TDP1: variants seen among roughly 807,000 people sequenced by gnomAD.
TDP1 encodes tyr-DNA phosphodiesterase 1.
A neutral mutation model predicts 81.5 loss-of-function variants in TDP1; 64 were observed. The observed-to-expected ratio is 0.79, with a 90% CI of 0.64 to 0.97. The LOEUF (loss-of-function observed/expected upper bound fraction) is 0.97. TDP1 is among the 50% of genes least tolerant of loss of function. The pLI is 0.00. For synonymous variants in TDP1, 256 were observed against 264.3 expected (o/e 0.97, Z 0.30); for missense variants, 723 against 743.8 (o/e 0.97, Z 0.33).
chr14:89,985,267 T>C (rs1327826591), intron 10 of TDP1, 57 bp downstream of exon 10: 1 of 966,182 alleles, frequency 1.0e-6, no homozygotes, highest in Admixed American at 2.2e-5. Context: ...TATTCTCTCT[T>C]TTAAAATAAT....
At chr14:90,032,736 T>G (rs1206836808) in intron 15 of TDP1, 1 of 985,140 alleles carries the variant, frequency 1.0e-6, no homozygotes, top group Non-Finnish European at 1.2e-6. Flanking sequence ...ATAGCAATGT[T>G]GGAAGTATTT....
intron 8 of TDP1, 66 bp downstream of exon 8, chr14:89,980,698 C>A: frequency 7.8e-7 from 1 of 1,275,966 alleles, no homozygotes; most frequent in Non-Finnish European, 1.1e-6. Flanking sequence ...CCAGAACATT[C>A]ACTTTATTCT....
chr14:90,019,791 G>C (rs1885752301), intron 15 of TDP1, among the ~76,000 whole-genome samples: 1 of 152,336 alleles, frequency 6.6e-6, no homozygotes, highest in South Asian at 2.1e-4. Context: ...GGGGTGACTG[G>C]AGGATGAAGT....
At chr14:89,970,546 C>T (rs1300235771) in intron 5 of TDP1, among the ~76,000 whole-genome samples, 2 of 151,902 alleles carry the variant, frequency 1.3e-5, no homozygotes, top group African/African-American at 4.8e-5. Flanking sequence ...TTTATTTGGA[C>T]TTAAATATTT....
Position 90,033,114 on chromosome 14 carries a change from C to G in TDP1, c.1653C>G (p.Asp551Glu). The G allele has an allele frequency of 6.2e-7, 1 of 1,607,074 alleles. No homozygotes were observed. The highest frequency in any genetic ancestry group is 8.5e-7 in the Non-Finnish European group (1 of 1,173,828). ...VLFLPSAFGL[D>E]SFKVKQKFFA... ...CCTCTGTGTGTCTGCAGGGTCTAGA[C>G]AGTTTCAAAGTGAAACAGAAGTTCT... The change falls in exon 16 of 17, where the codon GAC (aspartate) becomes GAG (glutamate). Residue 551 changes from aspartate (D) to glutamate (E), a missense_variant. Asp to Glu is a conservative substitution (Grantham distance 45, BLOSUM62 2). Coordinates refer to ENST00000335725, the MANE Select transcript of TDP1 (RefSeq NM_018319.4).
intron 15 of TDP1, among the ~76,000 whole-genome samples, chr14:90,030,813 T>C (rs1012093954): frequency 2.0e-5 from 3 of 151,938 alleles, no homozygotes; most frequent in Non-Finnish European, 4.4e-5. Context: ...TCACCTAGCC[T>C]GGAGTGCAGT....
At chr14:89,991,631 C>A in intron 12 of TDP1, 1 of 984,880 alleles carries the variant, frequency 1.0e-6, no homozygotes, top group Non-Finnish European at 1.2e-6. Flanking sequence ...AAAGGCATCC[C>A]ATGACTATAC....
intron 5 of TDP1, among the ~76,000 whole-genome samples, chr14:89,968,248 A>G (rs553020019): frequency 6.6e-6 from 1 of 152,060 alleles, no homozygotes; most frequent in Non-Finnish European, 1.5e-5. Flanking sequence ...CTTAAATAAG[A>G]CAAATTGTTT....
upstream of TDP1, chr14:89,955,386 C>T (rs1891458244): frequency 6.6e-6 from 1 of 152,356 alleles, no homozygotes; most frequent in East Asian, 1.9e-4. Context: ...CCAAATCCCA[C>T]AGCAAACATC....
intron 6 of TDP1, chr14:89,975,344 G>A: frequency 1.1e-6 from 1 of 911,566 alleles, no homozygotes; most frequent in Non-Finnish European, 1.3e-6. Flanking sequence ...CCAAAGTGCT[G>A]GGATTACAGG....
chr14:90,042,091 A>C (rs780210445), intron 16 of TDP1, among the ~76,000 whole-genome samples: 4 of 152,194 alleles, frequency 2.6e-5, no homozygotes, highest in African/African-American at 9.7e-5. Flanking sequence ...CCATTGTACC[A>C]TACCCAGGCA....
At chr14:89,988,767 G>T (rs1895851051) in intron 10 of TDP1, 138 bp from the exon 11 acceptor site, 1 of 1,523,000 alleles carries the variant, frequency 6.6e-7, no homozygotes, top group Admixed American at 2.1e-5. Flanking sequence ...GTATGTGTGG[G>T]TATGAAATTG....
chr14:90,014,092 TTAGACTTGTAAAACTTTTAA>T (rs1246796634), intron 14 of TDP1, among the ~76,000 whole-genome samples: 1 of 152,182 alleles, frequency 6.6e-6, no homozygotes, highest in East Asian at 1.9e-4. Flanking sequence ...ATTTTGCCTA[TTAGACTTGTAAAACTTTTAA>T]TAGATACTAT....
At chr14:90,014,141 AG>A (rs1885039837) in intron 14 of TDP1, among the ~76,000 whole-genome samples, 1 of 152,252 alleles carries the variant, frequency 6.6e-6, no homozygotes, top group South Asian at 2.1e-4. Context: ...TGTTCTCAAG[AG>A]TCTAAGAAAA....
chr14:89,978,740 A>C (rs559806399), intron 7 of TDP1, among the ~76,000 whole-genome samples: 1 of 152,244 alleles, frequency 6.6e-6, no homozygotes, highest in Non-Finnish European at 1.5e-5. Flanking sequence ...TTCTATCATG[A>C]ATCCATAACT....
intron 7 of TDP1, among the ~76,000 whole-genome samples, chr14:89,978,475 A>T (rs576110794): frequency 6.6e-6 from 1 of 152,338 alleles, no homozygotes; most frequent in South Asian, 2.1e-4. Context: ...ATAGCTGCGC[A>T]TTTGGGTTGG....
intron 10 of TDP1, among the ~76,000 whole-genome samples, chr14:89,988,289 T>C (rs1488334991): frequency 2.0e-5 from 3 of 152,308 alleles, no homozygotes; most frequent in South Asian, 2.1e-4. Context: ...ATTACATCAC[T>C]GGCCATTGCT....
chr14:89,981,282 G>A (rs1894944424), intron 8 of TDP1, among the ~76,000 whole-genome samples: 1 of 152,234 alleles, frequency 6.6e-6, no homozygotes, highest in Non-Finnish European at 1.5e-5. Context: ...AACTGAATAC[G>A]AAAGCTTTTA....
At chr14:89,958,547 T>A (rs1891944718) in intron 2 of TDP1, 1 of 152,014 alleles carries the variant, frequency 6.6e-6, no homozygotes, top group Non-Finnish European at 1.5e-5. Flanking sequence ...TGCTCCATGG[T>A]TTGTGAGTAT....
Sources: allele counts gnomAD v4.1 joint callset (sites outside exome capture counted in the v4.1 genomes callset), GRCh38; gene constraint gnomAD v4.1.1; transcripts MANE v1.5; gene names NCBI Gene and HGNC (gene_info 2026-07-23, HGNC 2026-07-21).